The following THSD7B variants were observed in gnomAD, a reference collection of about 807,000 sequenced individuals.
The protein encoded by THSD7B is thrombospondin type 1 domain containing 7B.
A neutral mutation model predicts 213.6 loss-of-function variants in THSD7B; 138 were observed. The ratio of observed to expected loss-of-function variants is 0.65; its 90% confidence interval spans 0.56 to 0.74. The LOEUF (loss-of-function observed/expected upper bound fraction) is 0.74. THSD7B is among the 30% of genes least tolerant of loss of function. THSD7B has a pLI of 0.00. For synonymous variants in THSD7B, 742 were observed against 687.0 expected, an observed-to-expected ratio of 1.08 and a Z score of -1.25; for missense variants, 1,931 against 1,991.5, an observed-to-expected ratio of 0.97 and a Z score of 0.58.
chr2:137,578,669 C>G (rs1379520061), intron 17 of THSD7B, among the ~76,000 whole-genome samples: 2 of 152,204 alleles, frequency 1.3e-5, no homozygotes, highest in Admixed American at 1.3e-4. Context: ...GCCCCCACCC[C>G]ACCCAAGCAT....
rs112301857 is a variant in THSD7B, at chr2:137,208,322, C to A, written c.1724-22722C>A. ...CCTTATCTGTCTGCTGCTAAATTAC[C>A]GAGGTTGAAAGAGTTCCTTCAGACC... On this transcript the variant is annotated intron_variant, in intron 7 of 27. Transcript: ENST00000409968. Among the ~76,000 whole-genome samples the A allele has an allele frequency of 5.3e-5, 8 of 152,068 alleles. No homozygotes were observed. The South Asian group carries it at 1.7e-3, about 32-fold the overall frequency.
At chr2:137,244,133 A>T (rs1293408596) in intron 10 of THSD7B, among the ~76,000 whole-genome samples, 1 of 152,254 alleles carries the variant, frequency 6.6e-6, no homozygotes. Context: ...GAAAGGCAGC[A>T]TCTAGGAGGC....
intron 4 of THSD7B, among the ~76,000 whole-genome samples, chr2:137,107,660 G>T (rs1470804777): frequency 6.6e-6 from 1 of 152,084 alleles, no homozygotes; most frequent in East Asian, 1.9e-4. Context: ...TATTGCATTT[G>T]TCTATTACTG....
chr2:137,586,567 A>T lies in THSD7B; in HGVS notation c.3423+14011A>T, dbSNP rs200769700. Reference sequence around the variant, plus strand: ...ATCTCTCAGCATTTGCTTGTCTGTAAAGGATTTTATTTTTCCTTCACTTCT... The same window carrying T: ...ATCTCTCAGCATTTGCTTGTCTGTATAGGATTTTATTTTTCCTTCACTTCT... On this transcript the variant is annotated intron_variant, in intron 17 of 27. Coordinates refer to ENST00000409968, the MANE Select transcript of THSD7B (RefSeq NM_001316349.2). Among the ~76,000 whole-genome samples the T allele has an allele frequency of 9.9e-5, 15 of 152,184 alleles. No homozygotes were observed. The East Asian group carries it at 2.7e-3, about 27-fold the overall frequency.
chr2:136,980,178 C>T (rs1465393412), intron 2 of THSD7B, among the ~76,000 whole-genome samples: 1 of 152,142 alleles, frequency 6.6e-6, no homozygotes, highest in Admixed American at 6.5e-5. Flanking sequence ...TGGAAGGCCA[C>T]AGCTCTCCTC....
intron 7 of THSD7B, among the ~76,000 whole-genome samples, chr2:137,211,876 G>C (rs2889088): frequency 6.6e-6 from 1 of 151,888 alleles, no homozygotes; most frequent in African/African-American, 2.4e-5. Flanking sequence ...AGCCTTTGCT[G>C]TTAGTCTTTC....
chr2:137,149,859 G>A (rs1020090585), intron 5 of THSD7B, among the ~76,000 whole-genome samples: 3 of 152,200 alleles, frequency 2.0e-5, no homozygotes, highest in Admixed American at 6.5e-5. Context: ...ACTTGTCTCA[G>A]ATGACACTTT....
chr2:137,549,801 G>A (rs1196860636), intron 15 of THSD7B, among the ~76,000 whole-genome samples: 1 of 151,940 alleles, frequency 6.6e-6, no homozygotes, highest in East Asian at 1.9e-4. Flanking sequence ...TTTGTGATTG[G>A]CATATTTCAC....
chr2:137,656,875 G>A lies in THSD7B; in HGVS notation c.4185G>A (p.Val1395=), dbSNP rs755829942. 2 of 1,613,950 alleles carry A rather than the reference G, an allele frequency of 1.2e-6. No homozygotes were observed. The highest frequency in any genetic ancestry group is 2.2e-5 in the East Asian group (1 of 44,882). The change falls in exon 23 of 28, where the codon GTG becomes GTA. Residue 1395 remains valine, a synonymous_variant. Coordinates refer to ENST00000409968, the MANE Select transcript of THSD7B (RefSeq NM_001316349.2). The part of the protein sequence containing the change: ...TCIDGRSFET[V]GRQSRSRTFI... ...TTGATGGAAGAAGCTTTGAGACTGT[G>A]GGCCGCCAGTCTAGATCAAGGACTT... is the stretch of plus-strand genomic sequence containing the variant.
intron 15 of THSD7B, among the ~76,000 whole-genome samples, chr2:137,556,877 G>A (rs2105214924): frequency 6.6e-6 from 1 of 152,202 alleles, no homozygotes; most frequent in Middle Eastern, 3.4e-3. Context: ...ACAAAAAAAG[G>A]CAGGGGTTGC....
At chr2:137,389,168 A>T (rs1197132897) in intron 12 of THSD7B, among the ~76,000 whole-genome samples, 3 of 140,390 alleles carry the variant, frequency 2.1e-5, no homozygotes, top group Non-Finnish European at 3.0e-5. Flanking sequence ...TCTCTGCACC[A>T]TCACCAGTCT....
At chr2:136,824,549 T>TACTG (rs2104940646) in intron 1 of THSD7B, among the ~76,000 whole-genome samples, 1 of 152,334 alleles carries the variant, frequency 6.6e-6, no homozygotes, top group South Asian at 2.1e-4. Context: ...GTACCAAATA[T>TACTG]AATCAGTGTT....
At chr2:137,516,263 G>T (rs995924831) in intron 15 of THSD7B, among the ~76,000 whole-genome samples, 1 of 152,146 alleles carries the variant, frequency 6.6e-6, no homozygotes, top group Admixed American at 6.6e-5. Flanking sequence ...CAGAAAACTT[G>T]CAGGTCAAAA....
intron 1 of THSD7B, among the ~76,000 whole-genome samples, chr2:136,832,959 T>G (rs1328492064): frequency 6.6e-6 from 1 of 152,140 alleles, no homozygotes; most frequent in Non-Finnish European, 1.5e-5. Context: ...TAGACAACAA[T>G]TTGTGGATTT....
chr2:137,497,691 G>A (rs1012592663), intron 15 of THSD7B, among the ~76,000 whole-genome samples: 79 of 151,954 alleles, frequency 5.2e-4, no homozygotes, highest in African/African-American at 1.8e-3. Context: ...TCATTTCTTT[G>A]AAAACATCTC....
intron 20 of THSD7B, among the ~76,000 whole-genome samples, chr2:137,625,919 C>G (rs1325402780): frequency 6.6e-6 from 1 of 152,194 alleles, no homozygotes; most frequent in Non-Finnish European, 1.5e-5. Context: ...CATTGTTCTC[C>G]CATTACAAAA....
intron 7 of THSD7B, among the ~76,000 whole-genome samples, chr2:137,222,792 A>G (rs1289518110): frequency 6.6e-6 from 1 of 152,194 alleles, no homozygotes; most frequent in Non-Finnish European, 1.5e-5. Context: ...GCTCCCTTCA[A>G]ATATCAAAAA....
At chr2:137,187,532 C>T (rs77651960) in intron 7 of THSD7B, among the ~76,000 whole-genome samples, 2,533 of 152,264 alleles carry the variant, frequency 0.017, 37 homozygotes, top group Non-Finnish European at 0.03. Flanking sequence ...GATCAATGCA[C>T]AATGAGTTGC....
At chr2:137,665,532 G>T (rs1380141557) in intron 26 of THSD7B, among the ~76,000 whole-genome samples, 1 of 151,790 alleles carries the variant, frequency 6.6e-6, no homozygotes, top group East Asian at 1.9e-4. Flanking sequence ...CTTTCATTAG[G>T]TTCTCATGGT....
Sources: allele counts gnomAD v4.1 joint callset (sites outside exome capture counted in the v4.1 genomes callset), GRCh38; gene constraint gnomAD v4.1.1; transcripts MANE v1.5; gene names NCBI Gene and HGNC (gene_info 2026-07-23, HGNC 2026-07-21).